NFX1: variants seen among roughly 807,000 people sequenced by gnomAD.
NFX1 encodes the protein nuclear transcription factor, X-box binding 1.
A neutral mutation model predicts 137.2 loss-of-function variants in NFX1; 69 were observed. The ratio of observed to expected loss-of-function variants is 0.50; its 90% CI spans 0.41 to 0.61. The LOEUF (loss-of-function observed/expected upper bound fraction) is 0.61. Among genes scored for constraint, NFX1 ranks in the 20% least tolerant of loss-of-function variants. The probability of loss-of-function intolerance (pLI) is 0.00; values close to 1 mark genes in which losing one functional copy is unlikely to be tolerated. For missense variants in NFX1, 1,167 were observed against 1,391.0 expected (o/e 0.84, Z 2.56); for synonymous variants, 495 against 474.1 (o/e 1.04, Z -0.57).
Position 33,366,689 on chromosome 9 carries a change from A to G in NFX1, c.3100A>G (p.Ile1034Val), listed in dbSNP as rs1824179715. 6 of 1,614,260 alleles carry G rather than the reference A, an allele frequency of 3.7e-6. No individual in the cohort carries two copies. The highest frequency in any genetic ancestry group is 1.1e-5 in the South Asian group (1 of 91,092). The change falls in exon 22 of 24, where the codon ATC (isoleucine) becomes GTC (valine). Residue 1034 changes from isoleucine (I) to valine (V), a missense_variant. Ile to Val is a conservative substitution (Grantham distance 29). Transcript: ENST00000379540. The part of the protein sequence containing the change: ...PPMNRDHRRI[I>V]HDLAQVYGLE... ...CATGAACAGAGACCACCGCCGGATC[A>G]TCCATGACTTGGCCCAAGTTTATGG...
At chr9:33,341,482 A>ATATATATATAT (rs1480609890) in intron 12 of NFX1, among the ~76,000 whole-genome samples, 2 of 152,220 alleles carry the variant, frequency 1.3e-5, no homozygotes, top group Non-Finnish European at 2.9e-5. Context: ...ATACATAAAC[A>ATATATATATAT]AGGTAACACA....
chr9:33,297,709 C>A (rs976937452), intron 2 of NFX1, among the ~76,000 whole-genome samples: 1 of 152,196 alleles, frequency 6.6e-6, no homozygotes, highest in African/African-American at 2.4e-5. Flanking sequence ...TCTCTCAGCT[C>A]CTAGAGGCCA....
intron 10 of NFX1, among the ~76,000 whole-genome samples, chr9:33,330,604 A>G (rs1437580083): frequency 2.0e-5 from 3 of 152,160 alleles, no homozygotes. Flanking sequence ...GTGTGACTGA[A>G]AATTGTAAGC....
chr9:33,352,422 G>C (rs931186189), intron 16 of NFX1: 1 of 648,082 alleles, frequency 1.5e-6, no homozygotes, highest in African/African-American at 1.8e-5. Flanking sequence ...ATTAAGAACA[G>C]AGGTGGTTTC....
chr9:33,313,807 A>C lies in NFX1; in HGVS notation c.1588+14A>C, dbSNP rs1378889815. 1.9e-6 allele frequency: 3 copies of C among 1,608,760 alleles called. No individual in the cohort carries two copies. In the South Asian group the frequency reaches 3.3e-5, roughly 18 times the overall value. On this transcript the variant is annotated intron_variant, in intron 7 of 23. Transcript: ENST00000379540. ...TTTTGAACCAGGGTAAGTGGTGGGC[A>C]CACCAGCTAGCAATGCTTGTGTTCT...
At chr9:33,349,615 A>G (rs972440414) in intron 15 of NFX1, among the ~76,000 whole-genome samples, 1 of 152,046 alleles carries the variant, frequency 6.6e-6, no homozygotes, top group African/African-American at 2.4e-5. Context: ...GTCCTACGAG[A>G]GTAAAATTTC....
chr9:33,301,467 AC>A (rs1370209099), intron 3 of NFX1, 46 bp downstream of exon 3: 6 of 1,561,196 alleles, frequency 3.8e-6, no homozygotes, highest in African/African-American at 1.4e-5. Context: ...CCTATTTGAT[AC>A]GTTTAAGTAT....
intron 19 of NFX1, among the ~76,000 whole-genome samples, chr9:33,363,073 A>T (rs1824053712): frequency 6.6e-6 from 1 of 151,962 alleles, no homozygotes; most frequent in Admixed American, 6.6e-5. Flanking sequence ...TTTACAAAAT[A>T]GCTAGAAAAG....
At chr9:33,295,475 T>A in intron 2 of NFX1, 48 bp downstream of exon 2, 3 of 1,524,694 alleles carry the variant, frequency 2.0e-6, no homozygotes, top group Non-Finnish European at 2.7e-6. Flanking sequence ...TTAATTTAAA[T>A]TTTTAAATAA....
At chr9:33,323,497 G>C (rs529552662) in intron 9 of NFX1, among the ~76,000 whole-genome samples, 61 of 152,314 alleles carry the variant, frequency 4.0e-4, no homozygotes, top group African/African-American at 1.4e-3. Context: ...GCTCACGCCT[G>C]TAATCCCAGC....
rs550560046 is a variant in NFX1 at position 33,366,830 on chromosome 9, A to G, written c.3185+56A>G. The G allele has an allele frequency of 1.5e-5, 24 of 1,578,246 alleles. No homozygotes were observed. The East Asian group carries it at 5.5e-4, about 36-fold the overall frequency. ...TCCTAAGCAGGGCAAACTGGACCCA[A>G]GAAGCAGGGTCTGTCAATACTTGTC... On this transcript the variant is annotated intron_variant, in intron 22 of 23. Transcript: ENST00000379540.
At chr9:33,369,769 A>G in intron 23 of NFX1, 137 bp from the exon 24 acceptor site, 1 of 726,702 alleles carries the variant, frequency 1.4e-6, no homozygotes, top group Non-Finnish European at 2.3e-6. Flanking sequence ...AGAAGGAAAA[A>G]AAGTAAGACT....
intron 4 of NFX1, among the ~76,000 whole-genome samples, chr9:33,306,910 A>G (rs1353722887): frequency 1.3e-5 from 2 of 152,210 alleles, no homozygotes; most frequent in Non-Finnish European, 2.9e-5. Context: ...TTTATCTTAA[A>G]TTAAACGTTT....
chr9:33,292,270 T>C (rs1174646560), intron 1 of NFX1, among the ~76,000 whole-genome samples: 1 of 152,232 alleles, frequency 6.6e-6, no homozygotes, highest in African/African-American at 2.4e-5. Context: ...TTTGCTTTAG[T>C]TCCCATTCCA....
intron 14 of NFX1, 125 bp downstream of exon 14, chr9:33,344,313 G>A (rs745906151): frequency 7.3e-7 from 1 of 1,370,500 alleles, no homozygotes; most frequent in Non-Finnish European, 1.0e-6. Context: ...CCGGCTCAGG[G>A]GCTGGTTCTC....
At chr9:33,338,427 G>A (rs573316234) in intron 11 of NFX1, 83 bp from the exon 12 acceptor site, 213 of 1,163,058 alleles carry the variant, frequency 1.8e-4, no homozygotes, top group Non-Finnish European at 2.5e-4. Context: ...TATTCTTTGA[G>A]CCTATAGTTA....
chr9:33,347,394 C>T (rs185460094), intron 15 of NFX1, among the ~76,000 whole-genome samples: 1 of 152,312 alleles, frequency 6.6e-6, no homozygotes, highest in East Asian at 1.9e-4. Context: ...ATCCTTCATG[C>T]CCCTGTATAC....
chr9:33,315,887 G>T (rs1012674551), intron 7 of NFX1, among the ~76,000 whole-genome samples: 8 of 22,792 alleles, frequency 3.5e-4, no homozygotes, highest in Non-Finnish European at 7.6e-4. Context: ...ACCCACCTCT[G>T]TCTCAAAAAA....
chr9:33,317,936 A>G (rs984668954), intron 7 of NFX1, among the ~76,000 whole-genome samples: 2 of 119,734 alleles, frequency 1.7e-5, no homozygotes, highest in African/African-American at 6.2e-5. Context: ...AGATCATGCC[A>G]TTGCACTCCA....
Sources: gnomAD v4.1 joint callset for allele counts (sites outside exome capture counted in the v4.1 genomes callset) on GRCh38, gnomAD v4.1.1 for gene constraint, MANE v1.5 for transcripts, NCBI Gene and HGNC (gene_info 2026-07-23, HGNC 2026-07-21) for gene names.